The following NUP93 variants were observed in gnomAD, a reference collection of about 807,000 sequenced individuals.
NUP93 encodes nuclear pore complex protein Nup93.
Under a neutral mutation model 107.8 loss-of-function variants are expected in NUP93, and 55 were observed. That is an observed-to-expected ratio of 0.51 (90% confidence interval 0.41 to 0.64). NUP93 has a LOEUF of 0.64. Ranked by LOEUF, NUP93 falls within the 30% of genes least tolerant of loss-of-function variation. The pLI, the probability that NUP93 is intolerant of heterozygous loss-of-function variation, is 0.00. For synonymous variants in NUP93, 390 were observed against 397.5 expected (o/e 0.98, Z 0.22); for missense variants, 937 against 1,044.7 (o/e 0.90, Z 1.42).
intron 2 of NUP93, among the ~76,000 whole-genome samples, chr16:56,758,254 G>A (rs1231793960): frequency 6.6e-6 from 1 of 152,124 alleles, no homozygotes; most frequent in African/African-American, 2.4e-5. Flanking sequence ...CATGTTTGGA[G>A]CAGTCTAGTC....
rs569608277 is a variant in NUP93, at chr16:56,821,545, G to C, written c.606G>C (p.Gln202His). 1.2e-6 allele frequency: 2 copies of C among 1,613,522 alleles called. No homozygotes were observed. The highest frequency in any genetic ancestry group is 2.2e-5 in the East Asian group (1 of 44,882). The change falls in exon 7 of 22, where the codon CAG becomes CAC. Residue 202 changes from glutamine to histidine, a missense_variant. Physicochemically the swap from Gln to His is conservative, Grantham distance 24. Coordinates refer to ENST00000308159, the MANE Select transcript of NUP93 (RefSeq NM_014669.5). ...YNEKIVNGHLQPNLVDLCASV... is the reference protein window; with the variant it reads ...YNEKIVNGHLHPNLVDLCASV... ...AGAAAATTGTAAATGGACACCTGCA[G>C]CCTAACCTGGTGGACCTTTGTGCTT... is the stretch of plus-strand genomic sequence containing the variant.
chr16:56,752,592 G>C (rs934676376), intron 2 of NUP93, among the ~76,000 whole-genome samples: 8 of 152,180 alleles, frequency 5.3e-5, no homozygotes, highest in Admixed American at 3.9e-4. Context: ...TTGGTCTGCA[G>C]ATTCAACACA....
At chr16:56,816,366 G>A (rs35760268) in intron 5 of NUP93, among the ~76,000 whole-genome samples, 101 of 152,268 alleles carry the variant, frequency 6.6e-4, no homozygotes, top group Non-Finnish European at 1.3e-3. Context: ...TTGAATAGGG[G>A]TATATATTTC....
intron 2 of NUP93, among the ~76,000 whole-genome samples, chr16:56,754,206 A>G (rs1450346863): frequency 1.3e-5 from 2 of 151,220 alleles, no homozygotes; most frequent in Non-Finnish European, 2.9e-5. Flanking sequence ...GCAAAGGGGA[A>G]GTCTTGCCCC....
intron 4 of NUP93, 80 bp downstream of exon 4, chr16:56,798,618 A>G: frequency 8.5e-7 from 1 of 1,170,328 alleles, no homozygotes; most frequent in African/African-American, 1.5e-5. Flanking sequence ...CTGTAATCCT[A>G]ACACTTTGGG....
intron 1 of NUP93, among the ~76,000 whole-genome samples, chr16:56,743,665 A>G (rs1961773864): frequency 6.6e-6 from 1 of 152,166 alleles, no homozygotes. Context: ...TAATTTTCTG[A>G]AAAGTGAGCA....
At position 56,758,658 on chromosome 16, in the gene NUP93, A is replaced by C. The variant is rs761570261; in HGVS notation, c.297+3A>C. On this transcript the variant is annotated splice_donor_region_variant and intron_variant, in intron 3 of 21. Coordinates refer to ENST00000308159, the MANE Select transcript of NUP93 (RefSeq NM_014669.5). Reference sequence around the variant, plus strand: ...CTGTGAAGGACACTGACATTCAGGTAAGGGCTGCCAAGTGCAGGTGGAACC... The same window carrying C: ...CTGTGAAGGACACTGACATTCAGGTCAGGGCTGCCAAGTGCAGGTGGAACC... 1 of 1,606,792 alleles carries C rather than the reference A, an allele frequency of 6.2e-7. No homozygotes were observed. The highest frequency in any genetic ancestry group is 2.2e-5 in the East Asian group (1 of 44,854).
chr16:56,834,768 G>T lies in NUP93; in HGVS notation c.1772G>T (p.Gly591Val), dbSNP rs145473779. The change falls in exon 16 of 22, where the codon GGA becomes GTA. Residue 591 changes from glycine to valine, a missense_variant. Gly to Val is a moderately radical substitution (Grantham distance 109). Transcript: ENST00000308159. ...ATTCTTGGGAAACTAGAGAATGACG[G>T]AAGTAGAAAGGTGAGTTAAATGCAT... is the stretch of plus-strand genomic sequence containing the variant. ...DMILGKLEND[G>V]SRKPGVIDKF... 235 of 1,611,752 alleles carry T rather than the reference G, an allele frequency of 1.5e-4. No homozygotes were observed. The highest frequency in any genetic ancestry group is 1.9e-4 in the Non-Finnish European group (227 of 1,178,286).
intron 7 of NUP93, among the ~76,000 whole-genome samples, chr16:56,823,474 C>G (rs182128231): frequency 2.0e-5 from 3 of 152,232 alleles, no homozygotes; most frequent in African/African-American, 7.2e-5. Context: ...AGTAATTGAT[C>G]TGAAAACCAA....
intron 3 of NUP93, among the ~76,000 whole-genome samples, chr16:56,784,818 C>G (rs1242854754): frequency 1.3e-5 from 2 of 152,126 alleles, no homozygotes; most frequent in African/African-American, 4.8e-5. Flanking sequence ...TCTTCTAGCT[C>G]TTGTTGCACT....
At chr16:56,756,297 C>CA (rs1962019184) in intron 2 of NUP93, among the ~76,000 whole-genome samples, 1 of 23,078 alleles carries the variant, frequency 4.3e-5, no homozygotes, top group Admixed American at 2.8e-4. Flanking sequence ...CTCTCCTTGC[C>CA]CCCCCCCCCC....
intron 3 of NUP93, among the ~76,000 whole-genome samples, chr16:56,761,881 G>A (rs759086738): frequency 2.6e-5 from 4 of 152,080 alleles, no homozygotes; most frequent in Admixed American, 6.5e-5. Flanking sequence ...TAATGTTTGC[G>A]TGCATTGTGA....
At chr16:56,828,194 T>TA (rs34184189) in intron 8 of NUP93, among the ~76,000 whole-genome samples, 2,250 of 113,378 alleles carry the variant, frequency 0.02, 81 homozygotes, top group African/African-American at 0.064. Context: ...CCCTGCCTCT[T>TA]AAAAAAAAAA....
At chr16:56,823,607 C>T in intron 7 of NUP93, 100 bp from the exon 8 acceptor site, 3 of 1,373,964 alleles carry the variant, frequency 2.2e-6, no homozygotes, top group Non-Finnish European at 3.0e-6. Flanking sequence ...ACCTCATCCC[C>T]CACCACATTC....
intron 1 of NUP93, among the ~76,000 whole-genome samples, chr16:56,742,237 G>A (rs1044056534): frequency 2.6e-5 from 4 of 152,224 alleles, no homozygotes; most frequent in African/African-American, 9.6e-5. Flanking sequence ...CACACCTATT[G>A]TGTCACTCAT....
chr16:56,753,420 TATC>T (rs150234891), intron 2 of NUP93, among the ~76,000 whole-genome samples: 3,390 of 152,310 alleles, frequency 0.022, 67 homozygotes, highest in East Asian at 0.076. Context: ...TGTTAAATGA[TATC>T]ATGGGGATTC....
intron 1 of NUP93, among the ~76,000 whole-genome samples, chr16:56,743,345 C>CGCAG (rs1257563634): frequency 6.6e-6 from 1 of 152,126 alleles, no homozygotes; most frequent in Non-Finnish European, 1.5e-5. Flanking sequence ...GACAGGTGAA[C>CGCAG]GCAGACCAGC....
chr16:56,776,809 C>T (rs1962423960), intron 3 of NUP93, among the ~76,000 whole-genome samples: 1 of 152,120 alleles, frequency 6.6e-6, no homozygotes, highest in South Asian at 2.1e-4. Context: ...AGGTCTTGGC[C>T]CAAAGCCAGG....
Position 56,837,668 on chromosome 16 carries a change from A to G in NUP93, c.1960A>G (p.Ser654Gly). 6.2e-7 allele frequency: 1 copy of G among 1,614,214 alleles called. No homozygotes were observed. Among genetic ancestry groups the G allele is most frequent in the South Asian group, 1.1e-5 (1 of 91,086 alleles). The change falls in exon 18 of 22, where the codon AGT becomes GGT. Residue 654 changes from serine to glycine, a missense_variant. Ser to Gly is a moderately conservative substitution (Grantham distance 56, BLOSUM62 0). Coordinates refer to ENST00000308159, the MANE Select transcript of NUP93 (RefSeq NM_014669.5). The part of the protein sequence containing the change: ...KLLSPVVPQI[S>G]APQSNKERLK... ...GCTGAGCCCTGTCGTCCCCCAGATCAGTGCCCCGCAATCCAACAAGGAGAG... is the reference window on the plus strand; with the variant it reads ...GCTGAGCCCTGTCGTCCCCCAGATCGGTGCCCCGCAATCCAACAAGGAGAG...
Sources: gnomAD v4.1 joint callset for allele counts (sites outside exome capture counted in the v4.1 genomes callset) on GRCh38, gnomAD v4.1.1 for gene constraint, MANE v1.5 for transcripts, NCBI Gene and HGNC (gene_info 2026-07-23, HGNC 2026-07-21) for gene names.